The following RASA2 variants were observed in gnomAD, a reference collection of about 807,000 sequenced individuals.
The protein encoded by RASA2 is ras GTPase-activating protein 2.
RASA2 carries 155 observed loss-of-function variants against 118.2 expected under a neutral mutation model. The observed-to-expected ratio is 1.31, with a 90% CI of 1.15 to 1.50. The LOEUF is 1.50. Among genes scored for constraint, RASA2 ranks in the 40% most tolerant of loss-of-function variants. The pLI is 0.00. For synonymous variants in RASA2, 353 were observed against 349.1 expected (o/e 1.01, Z -0.12); for missense variants, 1,016 against 1,009.6 (o/e 1.01, Z -0.09).
intron 2 of RASA2, among the ~76,000 whole-genome samples, chr3:141,512,549 A>G (rs1040198106): frequency 1.3e-5 from 2 of 152,238 alleles, no homozygotes; most frequent in Admixed American, 6.5e-5. Context: ...TATCTAAAGA[A>G]TAAGTTACTT....
Position 141,493,008 on chromosome 3 carries a change from T to C in RASA2, c.133+5792T>C, listed in dbSNP as rs761356211. ...ATTATAGAAATTTAAAGCTGGAAGG[T>C]AGAGAACATGAAGGTAGAGAAAATA... On this transcript the variant is annotated intron_variant, in intron 1 of 23. Transcript: ENST00000286364. 4.6e-5 allele frequency among the ~76,000 whole-genome samples: 7 copies of C among 152,270 alleles called. No homozygotes were observed. The South Asian group carries it at 6.2e-4, about 14-fold the overall frequency.
chr3:141,509,121 T>A (rs1045711931), intron 1 of RASA2, among the ~76,000 whole-genome samples: 1 of 152,244 alleles, frequency 6.6e-6, no homozygotes, highest in Admixed American at 6.5e-5. Context: ...ACTTAACATA[T>A]TTGTACAATT....
At chr3:141,563,292 A>G (rs1347573947) in intron 9 of RASA2, among the ~76,000 whole-genome samples, 1 of 152,132 alleles carries the variant, frequency 6.6e-6, no homozygotes, top group Non-Finnish European at 1.5e-5. Flanking sequence ...ACATATATAT[A>G]TATGAGTTTT....
chr3:141,541,349 T>C (rs1051531653), intron 5 of RASA2, among the ~76,000 whole-genome samples: 1 of 152,168 alleles, frequency 6.6e-6, no homozygotes, highest in Non-Finnish European at 1.5e-5. Context: ...CTGTAACTTA[T>C]TCTCATCAAT....
At chr3:141,526,401 C>G (rs923185130) in intron 3 of RASA2, among the ~76,000 whole-genome samples, 1 of 151,802 alleles carries the variant, frequency 6.6e-6, no homozygotes, top group Admixed American at 6.6e-5. Flanking sequence ...TCTTCTCCCT[C>G]TCCCGTACTT....
chr3:141,487,160 C>A lies in RASA2; in HGVS notation c.77C>A (p.Ala26Asp). 1 of 1,470,270 alleles carries A rather than the reference C, an allele frequency of 6.8e-7. No homozygotes were observed. Among genetic ancestry groups the A allele is most frequent in the Non-Finnish European group, 9.1e-7 (1 of 1,103,418 alleles). The allele number at this position is 1,470,270 out of a possible 1,614,324, so 91.1% of individuals were successfully genotyped here. A position where few individuals can be genotyped will look rare whatever the true frequency, so the allele number is the denominator to read the frequency against. The change falls in exon 1 of 24, where the codon GCC becomes GAC. Residue 26 changes from alanine to aspartate, a missense_variant. Around this residue, in one of 2 missense-constraint regions of RASA2, gnomAD observed 896 missense variants for 836.4 expected, o/e 1.07. Transcript: ENST00000286364. ...PAASATAEPE[A>D]GDQDSREVRV... ...GCGAGTGCGACTGCAGAGCCCGAGG[C>A]CGGGGACCAGGACAGTCGCGAGGTT...
intron 4 of RASA2, among the ~76,000 whole-genome samples, chr3:141,532,773 C>G (rs377750064): frequency 1.3e-5 from 2 of 152,074 alleles, no homozygotes; most frequent in African/African-American, 2.4e-5. Context: ...AGACCTCCCC[C>G]CTGCCCTGAC....
intron 1 of RASA2, among the ~76,000 whole-genome samples, chr3:141,498,595 T>C (rs886117716): frequency 5.3e-5 from 8 of 152,156 alleles, no homozygotes; most frequent in Non-Finnish European, 1.2e-4. Flanking sequence ...GATATACACA[T>C]ACACACCTTT....
chr3:141,519,519 A>G (rs2082079871), intron 3 of RASA2, among the ~76,000 whole-genome samples: 1 of 152,188 alleles, frequency 6.6e-6, no homozygotes, highest in Non-Finnish European at 1.5e-5. Flanking sequence ...ATACATACCA[A>G]ATACTCTGTC....
At chr3:141,512,924 G>C (rs946827961) in intron 2 of RASA2, among the ~76,000 whole-genome samples, 4 of 152,012 alleles carry the variant, frequency 2.6e-5, no homozygotes, top group Admixed American at 6.5e-5. Context: ...TTAGTTGGGC[G>C]TGGTGCTGGG....
In RASA2 at chr3:141,612,303, A is replaced by G; in HGVS notation, c.2540A>G (p.Lys847Arg). 2 of 1,590,356 alleles carry G rather than the reference A, an allele frequency of 1.3e-6. 1 individual carries two copies. Among genetic ancestry groups the G allele is most frequent in the South Asian group, 2.3e-5 (2 of 88,064 alleles). Reference protein sequence around the residue: ...YGSKENPIVGKAS With the variant: ...YGSKENPIVGRAS ...TCTAGGGAAAATCCAATTGTTGGGA[A>G]AGCATCTTAGAGTTTAACAGATTGG... The change falls in exon 24 of 24, where the codon AAA becomes AGA. Residue 847 changes from lysine (K) to arginine (R), a missense_variant. This residue lies in a region of RASA2 where 120 missense variants were observed against 173.2 expected (regional missense o/e 0.69). Transcript: ENST00000286364.
intron 5 of RASA2, among the ~76,000 whole-genome samples, 179 bp downstream of exon 5, chr3:141,540,788 T>C (rs2082394773): frequency 1.3e-5 from 2 of 152,206 alleles, no homozygotes; most frequent in Admixed American, 6.5e-5. Context: ...ACTCAGGTTA[T>C]GGTGAGTCAT....
chr3:141,599,357 A>G (rs549168037), intron 19 of RASA2, among the ~76,000 whole-genome samples: 2 of 152,066 alleles, frequency 1.3e-5, no homozygotes, highest in South Asian at 4.1e-4. Flanking sequence ...ATGATTAGCA[A>G]CACACAATAG....
chr3:141,558,963 G>A lies in RASA2; in HGVS notation c.761+1G>A. On this transcript the variant is annotated splice_donor_variant, in intron 8 of 23. Coordinates refer to ENST00000286364, the MANE Select transcript of RASA2 (RefSeq NM_006506.5). LOFTEE classifies it high-confidence loss of function. ...AGGACATTGAAAAGCTAGAAATCAG[G>A]TATGTGCCTTGGGGTTTTACAGAAT... The A allele has an allele frequency of 2.5e-6, 4 of 1,597,402 alleles. No homozygotes were observed. The highest frequency in any genetic ancestry group is 3.4e-6 in the Non-Finnish European group (4 of 1,166,428).
intron 1 of RASA2, among the ~76,000 whole-genome samples, chr3:141,511,347 C>T (rs1237078391): frequency 5.3e-5 from 8 of 152,012 alleles, no homozygotes; most frequent in Non-Finnish European, 7.4e-5. Context: ...TTCGCATTAA[C>T]ACCATATACT....
chr3:141,531,475 CAT>C (rs2082259161), intron 4 of RASA2, among the ~76,000 whole-genome samples: 1 of 149,748 alleles, frequency 6.7e-6, no homozygotes, highest in African/African-American at 2.5e-5. Flanking sequence ...TATATATATG[CAT>C]ATATATGTAT....
At chr3:141,560,744 T>C (rs2082718863) in intron 9 of RASA2, among the ~76,000 whole-genome samples, 1 of 152,170 alleles carries the variant, frequency 6.6e-6, no homozygotes, top group Non-Finnish European at 1.5e-5. Context: ...TCTTGCTAGA[T>C]TTTGGTTTCA....
chr3:141,539,775 C>T (rs1432337835), intron 4 of RASA2, among the ~76,000 whole-genome samples: 2 of 152,082 alleles, frequency 1.3e-5, no homozygotes, highest in African/African-American at 2.4e-5. Context: ...TGTTCCTAAG[C>T]CTTTATTTCT....
intron 5 of RASA2, among the ~76,000 whole-genome samples, chr3:141,542,677 T>C (rs529854513): frequency 1.3e-5 from 2 of 152,284 alleles, no homozygotes; most frequent in African/African-American, 2.4e-5. Flanking sequence ...TATATAGTTA[T>C]AGATCATTTT....
Sources: allele counts gnomAD v4.1 joint callset (sites outside exome capture counted in the v4.1 genomes callset), GRCh38; gene constraint gnomAD v4.1.1; regional missense constraint gnomAD v4.1.1; transcripts MANE v1.5; gene names NCBI Gene and HGNC (gene_info 2026-07-23, HGNC 2026-07-21).